The following CLPX variants were observed in gnomAD, a reference collection of about 807,000 sequenced individuals.
The protein encoded by CLPX is caseinolytic mitochondrial matrix peptidase chaperone subunit X.
Under a neutral mutation model 76.4 loss-of-function variants are expected in CLPX, and 34 were observed. That is an observed-to-expected ratio of 0.45 (90% CI 0.34 to 0.59). The LOEUF is 0.59. Among genes scored for constraint, CLPX ranks in the 20% least tolerant of loss-of-function variants. The pLI, the probability that CLPX is intolerant of heterozygous loss-of-function variation, is 0.01. For synonymous variants in CLPX, 248 were observed against 270.9 expected (o/e 0.92, Z 0.83); for missense variants, 613 against 757.0 (o/e 0.81, Z 2.23).
In CLPX at chr15:65,158,641, C is replaced by T; in HGVS notation, c.826G>A (p.Asp276Asn). The T allele has an allele frequency of 1.2e-6, 2 of 1,613,880 alleles. No homozygotes were observed. Among genetic ancestry groups the T allele is most frequent in the Non-Finnish European group, 1.7e-6 (2 of 1,179,904 alleles). ...PQEKRGGEVL[D>N]SSHDDIKLEK... ...AGTTTTATGTCATCATGAGAAGAAT[C>T]CAATACTTCACCTCCTCGTTTTTCC... The change falls in exon 7 of 14, where the codon GAT (aspartate) becomes AAT (asparagine). Residue 276 changes from aspartate to asparagine, a missense_variant. Asp to Asn is a conservative substitution (Grantham distance 23, BLOSUM62 1). Around this residue, in one of 2 missense-constraint regions of CLPX, gnomAD observed 450 missense variants for 638.6 expected, o/e 0.70. Coordinates refer to ENST00000300107, the MANE Select transcript of CLPX (RefSeq NM_006660.5).
chr15:65,180,233 T>TG, intron 1 of CLPX, 29 bp from the exon 2 acceptor site: 1 of 1,539,602 alleles, frequency 6.5e-7, no homozygotes, highest in Non-Finnish European at 8.8e-7. Context: ...CTACATCAAA[T>TG]ATAGACATGC....
At chr15:65,152,003 C>G (rs2087727181) in intron 13 of CLPX, among the ~76,000 whole-genome samples, 1 of 152,126 alleles carries the variant, frequency 6.6e-6, no homozygotes, top group Non-Finnish European at 1.5e-5. Flanking sequence ...GATCTTGGCT[C>G]ATTGCAACCT....
rs765093888 is a variant in CLPX, at chr15:65,152,577, T to C, written c.1705-41A>G. Reference sequence around the variant, plus strand: ...GTAATGAATCACATTGAAAACAGATTACATACAAGTGCTTTTATTCTATAA... The same window carrying C: ...GTAATGAATCACATTGAAAACAGATCACATACAAGTGCTTTTATTCTATAA... On this transcript the variant is annotated intron_variant, in intron 12 of 13. Transcript: ENST00000300107. 10 of 1,069,566 alleles carry C rather than the reference T, an allele frequency of 9.3e-6. No individual in the cohort carries two copies. In the East Asian group the frequency reaches 2.8e-4, roughly 30 times the overall value. 66.3% of individuals were successfully genotyped at this position (1,069,566 alleles called of 1,614,324 possible). A position where few individuals can be genotyped will look rare whatever the true frequency, so the allele number is the denominator to read the frequency against.
intron 4 of CLPX, among the ~76,000 whole-genome samples, chr15:65,165,839 C>T (rs962427332): frequency 6.6e-6 from 1 of 152,132 alleles, no homozygotes. Flanking sequence ...TTATTCCTTA[C>T]AAATTATACC....
intron 8 of CLPX, 52 bp downstream of exon 8, chr15:65,157,694 G>C: frequency 6.7e-7 from 1 of 1,499,788 alleles, no homozygotes; most frequent in Non-Finnish European, 9.1e-7. Context: ...CTTAATATTA[G>C]ACTGATTCCC....
At chr15:65,181,749 A>AAAATAAATAAATAAAT (rs10605280) in intron 1 of CLPX, among the ~76,000 whole-genome samples, 1 of 137,934 alleles carries the variant, frequency 7.2e-6, no homozygotes, top group Non-Finnish European at 1.5e-5. Flanking sequence ...GCTCTGTCGC[A>AAAATAAATAAATAAAT]AAATAAATAA....
At chr15:65,166,152 C>G (rs1217376150) in intron 4 of CLPX, among the ~76,000 whole-genome samples, 4 of 152,124 alleles carry the variant, frequency 2.6e-5, no homozygotes, top group Non-Finnish European at 5.9e-5. Flanking sequence ...TACGGAGCAG[C>G]CCGGCACACT....
chr15:65,154,656 T>C (rs935347553), intron 11 of CLPX, 126 bp downstream of exon 11: 7 of 670,762 alleles, frequency 1.0e-5, no homozygotes, highest in African/African-American at 5.4e-5. Context: ...CCTAGATCCA[T>C]ATTTAGTAAG....
intron 10 of CLPX, 141 bp from the exon 11 acceptor site, chr15:65,155,222 A>T (rs1292122309): frequency 1.3e-5 from 11 of 842,908 alleles, no homozygotes; most frequent in Non-Finnish European, 1.8e-5. Flanking sequence ...CAAAGGAAAA[A>T]AACAGGCTTA....
At chr15:65,171,090 G>C (rs996960374) in intron 3 of CLPX, among the ~76,000 whole-genome samples, 1 of 151,688 alleles carries the variant, frequency 6.6e-6, no homozygotes, top group African/African-American at 2.4e-5. Flanking sequence ...CAAAGTGCTG[G>C]GATTACAGGC....
intron 3 of CLPX, among the ~76,000 whole-genome samples, chr15:65,174,958 T>TA (rs548528140): frequency 5.3e-4 from 80 of 152,234 alleles, no homozygotes; most frequent in African/African-American, 1.6e-3. Context: ...ATTTATACTT[T>TA]AAAAAAAATC....
At chr15:65,182,140 A>AAGAAAG (rs2088183864) in intron 1 of CLPX, among the ~76,000 whole-genome samples, 2 of 151,726 alleles carry the variant, frequency 1.3e-5, no homozygotes, top group South Asian at 4.1e-4. Context: ...AAAAGAAAGA[A>AAGAAAG]AGAAAGAAAA....
At chr15:65,183,586 A>T (rs1289857866) in intron 1 of CLPX, among the ~76,000 whole-genome samples, 2 of 151,958 alleles carry the variant, frequency 1.3e-5, no homozygotes, top group Non-Finnish European at 2.9e-5. Flanking sequence ...GGAAGGAGAA[A>T]AGAAAAGAAA....
intron 3 of CLPX, among the ~76,000 whole-genome samples, chr15:65,176,402 A>C (rs1386494047): frequency 1.3e-5 from 2 of 152,210 alleles, no homozygotes; most frequent in East Asian, 3.8e-4. Flanking sequence ...TCTGAATAGC[A>C]AATCTTCACT....
intron 6 of CLPX, among the ~76,000 whole-genome samples, chr15:65,161,493 T>G (rs1203640111): frequency 6.7e-6 from 1 of 148,768 alleles, no homozygotes; most frequent in East Asian, 1.9e-4. Context: ...TTGAAATATT[T>G]GTTTCTAAGT....
intron 3 of CLPX, among the ~76,000 whole-genome samples, chr15:65,175,956 T>C (rs2140644952): frequency 6.6e-6 from 1 of 152,220 alleles, no homozygotes; most frequent in East Asian, 1.9e-4. Context: ...CATGATCATC[T>C]GCATATTTTC....
intron 8 of CLPX, 98 bp from the exon 9 acceptor site, chr15:65,157,030 T>C (rs2087798848): frequency 1.5e-6 from 1 of 686,818 alleles, no homozygotes; most frequent in Non-Finnish European, 2.5e-6. Context: ...CAAAGTTATT[T>C]GATCTTTCAT....
intron 3 of CLPX, among the ~76,000 whole-genome samples, chr15:65,176,305 C>T (rs975677598): frequency 6.6e-6 from 1 of 152,172 alleles, no homozygotes. Flanking sequence ...GGAAAGAATG[C>T]ATAGAAGGAA....
At chr15:65,156,074 T>C (rs1460789346) in intron 9 of CLPX, among the ~76,000 whole-genome samples, 1 of 152,220 alleles carries the variant, frequency 6.6e-6, no homozygotes, top group African/African-American at 2.4e-5. Context: ...CTTGATGCAT[T>C]GTAATTCAGG....
Sources: gnomAD v4.1 joint callset for allele counts (sites outside exome capture counted in the v4.1 genomes callset) on GRCh38, gnomAD v4.1.1 for gene constraint, gnomAD v4.1.1 regional missense constraint, MANE v1.5 for transcripts, NCBI Gene and HGNC (gene_info 2026-07-23, HGNC 2026-07-21) for gene names.